The following ZNF765 variants were observed in gnomAD, a reference collection of about 807,000 sequenced individuals.
The protein encoded by ZNF765 is zinc finger protein 765.
Under a neutral mutation model 44.7 loss-of-function variants are expected in ZNF765, and 37 were observed. That is an observed-to-expected ratio of 0.83 (90% CI 0.64 to 1.09). The LOEUF (loss-of-function observed/expected upper bound fraction) is 1.09. Ranked by LOEUF, ZNF765 falls within the 50% of genes least tolerant of loss-of-function variation. The probability of loss-of-function intolerance (pLI) is 0.00; values close to 1 mark genes in which losing one functional copy is unlikely to be tolerated. For synonymous variants in ZNF765, 201 were observed against 213.7 expected (o/e 0.94, Z 0.52); for missense variants, 594 against 626.1 (o/e 0.95, Z 0.55).
At chr19:53,417,057 A>G (rs552739130) in intron 3 of ZNF765, among the ~76,000 whole-genome samples, 21 of 152,132 alleles carry the variant, frequency 1.4e-4, no homozygotes, top group South Asian at 1.0e-3. Flanking sequence ...ACCTCAGGTG[A>G]TCTGCCTACC....
At chr19:53,401,856 A>T in intron 2 of ZNF765, 1 of 1,345,580 alleles carries the variant, frequency 7.4e-7, no homozygotes, top group Non-Finnish European at 1.0e-6. Context: ...AGGCTGGGCA[A>T]CAGAGTGAGA....
intron 2 of ZNF765, among the ~76,000 whole-genome samples, chr19:53,401,541 C>T (rs182025529): frequency 1.0e-4 from 15 of 147,618 alleles, no homozygotes; most frequent in South Asian, 2.2e-4. Context: ...CCAGCCTGGG[C>T]GACAGAGCGA....
chr19:53,398,788 C>T (rs985127924), intron 2 of ZNF765, among the ~76,000 whole-genome samples: 11 of 151,986 alleles, frequency 7.2e-5, no homozygotes, highest in Non-Finnish European at 1.2e-4. Context: ...CTTGCTTTGT[C>T]GCCCAGGCTG....
downstream of ZNF765, chr19:53,413,059 G>A (rs1054821172): frequency 3.0e-6 from 1 of 333,882 alleles, no homozygotes; most frequent in East Asian, 7.3e-5. Context: ...GCAGTGAGCC[G>A]AGATGGCGCC....
intron 1 of ZNF765, among the ~76,000 whole-genome samples, chr19:53,397,438 C>T (rs939524726): frequency 1.9e-4 from 29 of 152,158 alleles, no homozygotes; most frequent in African/African-American, 7.0e-4. Flanking sequence ...AGGGTTTCAC[C>T]ATGTTGGCCA....
At position 53,409,425 on chromosome 19, in the gene ZNF765, G is replaced by A. The variant is rs1222814836; in HGVS notation, c.*298G>A. The A allele has an allele frequency of 6.0e-6, 5 of 838,682 alleles. No homozygotes were observed. In the East Asian group the frequency reaches 1.2e-4, roughly 21 times the overall value. The allele number at this position is 838,682 out of a possible 1,614,324, so 52.0% of individuals were successfully genotyped here. A position where few individuals can be genotyped will look rare whatever the true frequency, so the allele number is the denominator to read the frequency against. Reference sequence around the variant, plus strand: ...TCAAATCCAACCTTGAAAGACATAGGAGAATTCACACTGGTGAGAAACCTT... The same window carrying A: ...TCAAATCCAACCTTGAAAGACATAGAAGAATTCACACTGGTGAGAAACCTT... On this transcript the variant is annotated 3_prime_UTR_variant, in exon 4 of 4. Coordinates refer to ENST00000396408, the MANE Select transcript of ZNF765 (RefSeq NM_001040185.3).
At chr19:53,416,192 G>A (rs2147104956), downstream of ZNF765, among the ~76,000 whole-genome samples, 1 of 152,256 alleles carries the variant, frequency 6.6e-6, no homozygotes, top group Admixed American at 6.5e-5. Context: ...GACCTCAAGT[G>A]ATCCACCCAC....
intron 2 of ZNF765, among the ~76,000 whole-genome samples, chr19:53,401,610 G>A (rs2085727169): frequency 6.6e-6 from 1 of 151,946 alleles, no homozygotes; most frequent in Non-Finnish European, 1.5e-5. Context: ...GGGCACGGTG[G>A]ATCATGCATG....
At chr19:53,423,766 T>C (rs2085921896) in exon 4 of ZNF765, 1 of 169,354 alleles carries the variant, frequency 5.9e-6, no homozygotes, top group Non-Finnish European at 1.3e-5. Flanking sequence ...TCTTCATTGA[T>C]CTCTAGAGAC....
At position 53,409,732 on chromosome 19, in the gene ZNF765, G is replaced by GGAGTT; in HGVS notation, c.*605_*606insGAGTT. 1.1e-6 allele frequency: 1 copy of GGAGTT among 946,188 alleles called. No individual in the cohort carries two copies. The allele number at this position is 946,188 out of a possible 1,614,324, so 58.6% of individuals were successfully genotyped here. On this transcript the variant is annotated 3_prime_UTR_variant, in exon 4 of 4. Transcript: ENST00000396408. ...ATGAGTGTGGCAAGACCTTTAGTCA[G>GGAGTT]AACTCATACCTTACATGCCATCATA...
At chr19:53,407,194 A>G (rs2085783473) in intron 3 of ZNF765, among the ~76,000 whole-genome samples, 1 of 152,128 alleles carries the variant, frequency 6.6e-6, no homozygotes, top group South Asian at 2.1e-4. Context: ...TACATTTTGT[A>G]ATCTTTTCTT....
At position 53,404,805 on chromosome 19, in the gene ZNF765, G is replaced by T. The variant is rs10409454; in HGVS notation, c.142+2614G>T. ...ACGTAATTGCTATAGATGGCTTCAGGTATTGCAAGATTTATGGTACAGGCT... is the reference window on the plus strand; with the variant it reads ...ACGTAATTGCTATAGATGGCTTCAGTTATTGCAAGATTTATGGTACAGGCT... On this transcript the variant is annotated intron_variant, in intron 3 of 3. Transcript: ENST00000396408. 7.6e-3 allele frequency among the ~76,000 whole-genome samples: 1,150 copies of T among 152,276 alleles called. 17 individuals carry two copies. Among genetic ancestry groups the T allele is most frequent in the African/African-American group, 0.026 (1,086 of 41,570 alleles).
intron 3 of ZNF765, among the ~76,000 whole-genome samples, chr19:53,404,570 A>G (rs1226708635): frequency 6.6e-6 from 1 of 151,966 alleles, no homozygotes; most frequent in East Asian, 1.9e-4. Flanking sequence ...TTCCTGCTTC[A>G]GTCTCCCAAG....
intron 3 of ZNF765, among the ~76,000 whole-genome samples, chr19:53,421,095 G>A (rs1238964376): frequency 1.3e-5 from 2 of 152,184 alleles, no homozygotes; most frequent in African/African-American, 2.4e-5. Flanking sequence ...GGAGAAAACC[G>A]CCTCAGGGCT....
In ZNF765 at chr19:53,411,947, G is replaced by A. The variant is rs2085837892; in HGVS notation, c.*2820G>A. On this transcript the variant is annotated 3_prime_UTR_variant, in exon 4 of 4. Transcript: ENST00000396408. Reference sequence around the variant, plus strand: ...AGTAGTATTTTGGTTGACTCTTTGTGATTTTCTGCACAGAAGATCATGTCG... The same window carrying A: ...AGTAGTATTTTGGTTGACTCTTTGTAATTTTCTGCACAGAAGATCATGTCG... 6.3e-6 allele frequency: 1 copy of A among 157,968 alleles called. No homozygotes were observed. Among genetic ancestry groups the A allele is most frequent in the African/African-American group, 2.4e-5 (1 of 41,488 alleles). The allele number at this position is 157,968 out of a possible 1,614,324, so 9.8% of individuals were successfully genotyped here.
At chr19:53,414,012 G>A (rs932407609), downstream of ZNF765, among the ~76,000 whole-genome samples, 2 of 151,046 alleles carry the variant, frequency 1.3e-5, no homozygotes, top group Middle Eastern at 3.2e-3. Flanking sequence ...AGGCTGAGGC[G>A]GGCGGATCAC....
chr19:53,419,447 T>C (rs888384900), intron 3 of ZNF765, among the ~76,000 whole-genome samples: 2 of 152,210 alleles, frequency 1.3e-5, no homozygotes, highest in African/African-American at 4.8e-5. Context: ...CTGTTGATTA[T>C]GGTGAGACTC....
rs549702043 is a variant in ZNF765, at chr19:53,423,401, T to G, written c.*299T>G. The G allele has an allele frequency of 2.1e-3, 1,200 of 584,376 alleles. 8 individuals carry two copies. Among genetic ancestry groups the G allele is most frequent in the African/African-American group, 0.02 (1,093 of 53,410 alleles). The allele number at this position is 584,376 out of a possible 1,614,324, so 36.2% of individuals were successfully genotyped here. ...GCTCTGGGGCAGCAGCTCCATCGTT[T>G]GCATCCTGCACAGGCACAAGCGGCG... is the stretch of plus-strand genomic sequence containing the variant. On this transcript the variant is annotated 3_prime_UTR_variant, in exon 4 of 4. Coordinates refer to the ZNF765 transcript ENST00000594030.
At position 53,404,721 on chromosome 19, in the gene ZNF765, A is replaced by G. The variant is rs10408678; in HGVS notation, c.142+2530A>G. On this transcript the variant is annotated intron_variant, in intron 3 of 3. Coordinates refer to ENST00000396408, the MANE Select transcript of ZNF765 (RefSeq NM_001040185.3). ...GTGATCCTCCTGCCTCAGCCTCCCA[A>G]AGTGCTGGGATTACAGGCGTGAACC... Among the ~76,000 whole-genome samples the G allele has an allele frequency of 8.6e-3, 1,306 of 152,150 alleles. 20 individuals are homozygous for G. Among genetic ancestry groups the G allele is most frequent in the African/African-American group, 0.03 (1,227 of 41,506 alleles).
Sources: gnomAD v4.1 joint callset for allele counts (sites outside exome capture counted in the v4.1 genomes callset) on GRCh38, gnomAD v4.1.1 for gene constraint, MANE v1.5 for transcripts, NCBI Gene and HGNC (gene_info 2026-07-23, HGNC 2026-07-21) for gene names.